The following ZNF423 variants were observed in gnomAD, a reference collection of about 807,000 sequenced individuals.
ZNF423 encodes the protein zinc finger protein 423.
ZNF423 carries 12 observed loss-of-function variants against 95.8 expected under a neutral mutation model. The ratio of observed to expected loss-of-function variants is 0.13; its 90% CI spans 0.08 to 0.20. The LOEUF (loss-of-function observed/expected upper bound fraction) is 0.20. ZNF423 is among the 10% of genes least tolerant of loss of function. The pLI is 1.00. For synonymous variants in ZNF423, 749 were observed against 711.9 expected (o/e 1.05, Z -0.83); for missense variants, 1,316 against 1,737.1 (o/e 0.76, Z 4.31).
In ZNF423 at chr16:49,635,429, T is replaced by C. The variant is rs1274288571; in HGVS notation, c.3516+231A>G. Among the ~76,000 whole-genome samples the C allele has an allele frequency of 6.6e-6, 1 of 152,208 alleles. No individual in the cohort carries two copies. Among genetic ancestry groups the C allele is most frequent in the African/African-American group, 2.4e-5 (1 of 41,462 alleles). On this transcript the variant is annotated intron_variant, in intron 4 of 7. Transcript: ENST00000563137. This position sits in a 1 kb window ranked among gnomAD's most constrained non-coding sequence, Gnocchi z 4.8. Reference sequence around the variant, plus strand: ...TATTCCCATTTTATACATTAGCATTTGACAAATGAGACCCAGAGAGATAAA... The same window carrying C: ...TATTCCCATTTTATACATTAGCATTCGACAAATGAGACCCAGAGAGATAAA...
chr16:49,747,240 T>C (rs995817590), intron 2 of ZNF423, among the ~76,000 whole-genome samples: 2 of 151,710 alleles, frequency 1.3e-5, no homozygotes, highest in Non-Finnish European at 2.9e-5. Context: ...ATTTACAGAG[T>C]GGACACCATG....
At chr16:49,846,896 T>G (rs1399500664) in intron 1 of ZNF423, 1 of 152,366 alleles carries the variant, frequency 6.6e-6, no homozygotes, top group African/African-American at 2.4e-5. Context: ...CTGCCCAGTC[T>G]TCCAGCCTGA....
At chr16:49,598,604 G>C (rs1305792798) in intron 5 of ZNF423, among the ~76,000 whole-genome samples, 1 of 152,234 alleles carries the variant, frequency 6.6e-6, no homozygotes, top group East Asian at 1.9e-4. Flanking sequence ...GACAAAACTG[G>C]GTAGGGCATT....
chr16:49,768,335 G>T (rs537485342), intron 2 of ZNF423, among the ~76,000 whole-genome samples: 1 of 152,196 alleles, frequency 6.6e-6, no homozygotes, highest in African/African-American at 2.4e-5. Flanking sequence ...GCCCAGAATG[G>T]TTTCAAGCAA....
chr16:49,537,793 C>T (rs1331133179), intron 5 of ZNF423, among the ~76,000 whole-genome samples: 2 of 152,198 alleles, frequency 1.3e-5, no homozygotes, highest in African/African-American at 4.8e-5. Context: ...TCAACAGACC[C>T]AGGACTGAGA....
At position 49,592,773 on chromosome 16, in the gene ZNF423, G is replaced by A. The variant is rs944154217; in HGVS notation, c.3601+33397C>T. ...TGCCCCCACCTCTGCCAGAACCGGC[G>A]GACCTGAGGGCTATCCCCTCGCCTC... is the stretch of plus-strand genomic sequence containing the variant. On this transcript the variant is annotated intron_variant, in intron 5 of 7. Transcript: ENST00000563137. 9.9e-5 allele frequency among the ~76,000 whole-genome samples: 15 copies of A among 152,186 alleles called. 1 individual carries two copies. Among genetic ancestry groups the A allele is most frequent in the Admixed American group, 2.6e-4 (4 of 15,282 alleles).
chr16:49,751,041 T>A (rs1348399509), intron 2 of ZNF423, among the ~76,000 whole-genome samples: 3 of 152,078 alleles, frequency 2.0e-5, no homozygotes, highest in African/African-American at 7.2e-5. Context: ...CGCCATCAAA[T>A]CCTGAAATCA....
chr16:49,849,883 TATAACGCTGG>T (rs554193966), intron 1 of ZNF423, among the ~76,000 whole-genome samples: 43 of 152,332 alleles, frequency 2.8e-4, no homozygotes, highest in Non-Finnish European at 5.7e-4. Context: ...AGCACCAATC[TATAACGCTGG>T]GAGGCCGTCC....
chr16:49,786,587 G>C (rs2034318394), intron 2 of ZNF423, among the ~76,000 whole-genome samples: 2 of 152,210 alleles, frequency 1.3e-5, no homozygotes, highest in Admixed American at 1.3e-4. Flanking sequence ...TGTCTTGCCA[G>C]GGACCTTCCA....
chr16:49,510,239 C>T (rs1240281058), intron 7 of ZNF423, among the ~76,000 whole-genome samples: 2 of 152,212 alleles, frequency 1.3e-5, no homozygotes, highest in East Asian at 3.9e-4. Context: ...CCACAGTAAC[C>T]CTCCAAGAGG....
intron 5 of ZNF423, among the ~76,000 whole-genome samples, chr16:49,538,704 G>A (rs1466329716): frequency 6.6e-6 from 1 of 152,176 alleles, no homozygotes; most frequent in Non-Finnish European, 1.5e-5. Context: ...CATTCCTGAG[G>A]GTTAGGGCTA....
chr16:49,578,838 T>TC (rs1432721600), intron 5 of ZNF423, among the ~76,000 whole-genome samples: 6 of 152,228 alleles, frequency 3.9e-5, no homozygotes, highest in Admixed American at 2.0e-4. Flanking sequence ...GGTTTTCAGG[T>TC]CATTCTCTGG....
chr16:49,854,589 C>G (rs565012260), intron 1 of ZNF423: 357 of 985,198 alleles, frequency 3.6e-4, no homozygotes, highest in Admixed American at 8.6e-4. Flanking sequence ...TCTCATCGTT[C>G]CCCCCTTCCT....
At chr16:49,546,222 CACAA>C (rs200030850) in intron 5 of ZNF423, among the ~76,000 whole-genome samples, 3 of 151,912 alleles carry the variant, frequency 2.0e-5, no homozygotes, top group Admixed American at 6.6e-5. Context: ...CTTCTGACTA[CACAA>C]ACAAACAAAA....
chr16:49,789,588 G>A (rs1398642635), intron 1 of ZNF423, 42 bp from the exon 2 acceptor site: 1 of 1,591,788 alleles, frequency 6.3e-7, no homozygotes, highest in Non-Finnish European at 8.6e-7. Flanking sequence ...TTTGAAGGCT[G>A]TACAAATAGA....
intron 1 of ZNF423, among the ~76,000 whole-genome samples, chr16:49,832,358 T>G (rs1042880593): frequency 6.6e-6 from 1 of 152,182 alleles, no homozygotes; most frequent in Non-Finnish European, 1.5e-5. Flanking sequence ...CAGAGAGATC[T>G]GCTGAGGAAA....
intron 7 of ZNF423, among the ~76,000 whole-genome samples, chr16:49,513,915 G>C (rs946921758): frequency 6.6e-6 from 1 of 152,002 alleles, no homozygotes; most frequent in Non-Finnish European, 1.5e-5. Context: ...GCAGGTGTAC[G>C]TGCATCTAGG....
At chr16:49,543,346 C>T (rs1270619891) in intron 5 of ZNF423, among the ~76,000 whole-genome samples, 1 of 152,130 alleles carries the variant, frequency 6.6e-6, no homozygotes, top group Non-Finnish European at 1.5e-5. Context: ...TCCCCACAGC[C>T]TCCCCAGGGG....
intron 5 of ZNF423, among the ~76,000 whole-genome samples, chr16:49,537,075 G>A (rs1358426489): frequency 7.9e-5 from 12 of 152,204 alleles, no homozygotes; most frequent in Admixed American, 7.9e-4. Context: ...AAACCACTTA[G>A]ATGTGAACTT....
Sources: allele counts gnomAD v4.1 joint callset (sites outside exome capture counted in the v4.1 genomes callset), GRCh38; gene constraint gnomAD v4.1.1; non-coding constraint Gnocchi (gnomAD v3.1); transcripts MANE v1.5; gene names NCBI Gene and HGNC (gene_info 2026-07-23, HGNC 2026-07-21).